Variants in EPHB6 observed in about 807,000 individuals in gnomAD.
EPHB6 encodes the protein ephrin type-B receptor 6.
EPHB6 carries 51 observed loss-of-function variants against 107.0 expected under a neutral mutation model. The observed-to-expected ratio is 0.48, with a 90% CI of 0.38 to 0.60. The LOEUF (loss-of-function observed/expected upper bound fraction) is 0.60. Among genes scored for constraint, EPHB6 ranks in the 20% least tolerant of loss-of-function variants. The pLI is 0.00. For synonymous variants in EPHB6, 553 were observed against 549.0 expected (o/e 1.01, Z -0.10); for missense variants, 1,141 against 1,355.5 (o/e 0.84, Z 2.48).
rs1417070593 is a variant in EPHB6, at chr7:142,855,181, C to T, written c.-636C>T. 6.6e-6 allele frequency: 1 copy of T among 152,218 alleles called. No individual in the cohort carries two copies. Among genetic ancestry groups the T allele is most frequent in the African/African-American group, 2.4e-5 (1 of 41,448 alleles). 9.4% of individuals were successfully genotyped at this position (152,218 alleles called of 1,614,324 possible). Reference sequence around the variant, plus strand: ...GCGGGCCCCCAGGATCTCCCGGCGCCCCACCTCTGGAGCAGCCCCTGCCGC... The same window carrying T: ...GCGGGCCCCCAGGATCTCCCGGCGCTCCACCTCTGGAGCAGCCCCTGCCGC... On this transcript the variant is annotated 5_prime_UTR_variant, in exon 1 of 20. Transcript: ENST00000652003. This position sits in a 1 kb window ranked among gnomAD's most constrained non-coding sequence, Gnocchi z 4.2.
chr7:142,858,111 T>C (rs746829742), intron 1 of EPHB6, among the ~76,000 whole-genome samples: 1 of 152,216 alleles, frequency 6.6e-6, no homozygotes, highest in African/African-American at 2.4e-5. Context: ...AAATAAGGTA[T>C]GCTTACTGTA....
At position 142,865,511 on chromosome 7, in the gene EPHB6, A is replaced by C; in HGVS notation, c.986A>C (p.Asn329Thr). ...GGGCTCTATAAGGCTTCTGCTGGGA[A>C]TGCTCCCTGCTCACCATGCCCTGCC... The part of the protein sequence containing the change: ...PRGLYKASAG[N>T]APCSPCPARS... The change falls in exon 8 of 20, where the codon AAT (asparagine) becomes ACT (threonine). Residue 329 changes from asparagine to threonine, a missense_variant. Asn to Thr is a moderately conservative substitution (Grantham distance 65, BLOSUM62 0). Around this residue, in one of 3 missense-constraint regions of EPHB6, gnomAD observed 304 missense variants for 295.7 expected, o/e 1.03. Coordinates refer to ENST00000652003, the MANE Select transcript of EPHB6 (RefSeq NM_004445.6). The C allele has an allele frequency of 6.2e-7, 1 of 1,613,260 alleles. No individual in the cohort carries two copies. Among genetic ancestry groups the C allele is most frequent in the Non-Finnish European group, 8.5e-7 (1 of 1,179,980 alleles).
rs944075128 is a variant in EPHB6, at chr7:142,867,477, A to G, written c.1751-131A>G. On this transcript the variant is annotated intron_variant, in intron 11 of 19. Coordinates refer to ENST00000652003, the MANE Select transcript of EPHB6 (RefSeq NM_004445.6). The surrounding 1 kb of genome is among the most constrained non-coding windows in gnomAD (Gnocchi z 5.3). ...GTGTGTGTGTTGTGTGTCCCTGTGC[A>G]TGGATGTGGGAGGTTTGGGGCATGC... The G allele has an allele frequency of 1.2e-5, 9 of 753,578 alleles. No individual in the cohort carries two copies. The highest frequency in any genetic ancestry group is 3.5e-5 in the African/African-American group (2 of 57,586). The allele number at this position is 753,578 out of a possible 1,614,324, so 46.7% of individuals were successfully genotyped here. A position where few individuals can be genotyped will look rare whatever the true frequency, so the allele number is the denominator to read the frequency against.
chr7:142,866,015 G>A lies in EPHB6; in HGVS notation c.1161G>A (p.Met387Ile), dbSNP rs752265529. 1.7e-5 allele frequency: 28 copies of A among 1,613,832 alleles called. No individual in the cohort carries two copies. The highest frequency in any genetic ancestry group is 2.4e-5 in the Non-Finnish European group (28 of 1,180,002). Residue 387 changes from methionine to isoleucine, a missense_variant, in exon 9 of 20, where the codon ATG (methionine) becomes ATA (isoleucine). Around this residue, in one of 3 missense-constraint regions of EPHB6, gnomAD observed 304 missense variants for 295.7 expected, o/e 1.03. Coordinates refer to ENST00000652003, the MANE Select transcript of EPHB6 (RefSeq NM_004445.6). The surrounding 1 kb of genome is among the most constrained non-coding windows in gnomAD (Gnocchi z 5.2). ...LWFEVQGSAL[M>I]LHWRLPRELG... is the part of the protein sequence containing the mutation. Reference sequence around the variant, plus strand: ...TTGAGGTGCAAGGCTCAGCACTCATGCTACACTGGCGCCTGCCTCGGGAGC... The same window carrying A: ...TTGAGGTGCAAGGCTCAGCACTCATACTACACTGGCGCCTGCCTCGGGAGC...
In EPHB6 at chr7:142,870,726, C is replaced by A. The variant is rs748577969; in HGVS notation, c.2960+41C>A. 8.7e-6 allele frequency: 14 copies of A among 1,614,082 alleles called. 1 individual carries two copies. The South Asian group carries it at 1.3e-4, about 15-fold the overall frequency. On this transcript the variant is annotated intron_variant, in intron 19 of 19. Transcript: ENST00000652003. Reference sequence around the variant, plus strand: ...TGGGGTGGGGGCGAATGCTCCAGGCCCCTGGCTGGGGGTCGTATTGGGGAT... The same window carrying A: ...TGGGGTGGGGGCGAATGCTCCAGGCACCTGGCTGGGGGTCGTATTGGGGAT...
rs1794628003 is a variant in EPHB6, at chr7:142,866,883, G to A, written c.1588-23G>A. 1 of 1,613,864 alleles carries A rather than the reference G, an allele frequency of 6.2e-7. No individual in the cohort carries two copies. On this transcript the variant is annotated intron_variant, in intron 10 of 19. Transcript: ENST00000652003. The surrounding 1 kb of genome is among the most constrained non-coding windows in gnomAD (Gnocchi z 5.2). ...CAGGGGCAAGAGGGGGCCAGGCAGG[G>A]AGTGAGTGGCTGTTACCCCCAGGCA...
chr7:142,863,915 C>G, intron 6 of EPHB6, 51 bp from the exon 7 acceptor site: 3 of 1,612,406 alleles, frequency 1.9e-6, no homozygotes, highest in Non-Finnish European at 2.5e-6. Context: ...ACCTCTACCT[C>G]GCCGTGCTTA....
Position 142,866,721 on chromosome 7 carries a change from G to T in EPHB6, c.1587+116G>T. 6.3e-7 allele frequency: 1 copy of T among 1,597,312 alleles called. No homozygotes were observed. The highest frequency in any genetic ancestry group is 1.1e-5 in the South Asian group (1 of 90,274). On this transcript the variant is annotated intron_variant, in intron 10 of 19. Coordinates refer to ENST00000652003, the MANE Select transcript of EPHB6 (RefSeq NM_004445.6). This position sits in a 1 kb window ranked among gnomAD's most constrained non-coding sequence, Gnocchi z 5.2. ...GAATGAGGGGTCCGCAACAGGGCTG[G>T]CAGGAGCTCACAGTCCCCACAGTAG...
At chr7:142,856,677 C>T (rs1220380778) in intron 1 of EPHB6, among the ~76,000 whole-genome samples, 1 of 152,094 alleles carries the variant, frequency 6.6e-6, no homozygotes, top group Non-Finnish European at 1.5e-5. Context: ...CACTCCTCCC[C>T]GCCCCCCACT....
Position 142,865,997 on chromosome 7 carries a change from G to T in EPHB6, c.1143G>T (p.Val381=), listed in dbSNP as rs753689778. 35 of 1,613,862 alleles carry T rather than the reference G, an allele frequency of 2.2e-5. No individual in the cohort carries two copies. The highest frequency in any genetic ancestry group is 2.8e-5 in the Non-Finnish European group (33 of 1,180,030). Residue 381 remains valine (V), a synonymous_variant, in exon 9 of 20, where the codon GTG becomes GTT. Transcript: ENST00000652003. ...CTCCCCAGGAGCTTTGGTTTGAGGT[G>T]CAAGGCTCAGCACTCATGCTACACT... ...PSAPQELWFE[V]QGSALMLHWR... is the part of the protein sequence containing the mutation.
In EPHB6 at chr7:142,863,126, G is replaced by A; in HGVS notation, c.-101-1G>A. 5.2e-6 allele frequency: 5 copies of A among 958,894 alleles called. No individual in the cohort carries two copies. Among genetic ancestry groups the A allele is most frequent in the Non-Finnish European group, 8.1e-6 (5 of 617,374 alleles). The allele number at this position is 958,894 out of a possible 1,614,324, so 59.4% of individuals were successfully genotyped here. A position where few individuals can be genotyped will look rare whatever the true frequency, so the allele number is the denominator to read the frequency against. On this transcript the variant is annotated splice_acceptor_variant, in intron 4 of 19. Transcript: ENST00000652003. LOFTEE classifies it low-confidence loss of function (5UTR_SPLICE). ...TCTTCTGGTCTTGTGTGTCTCCTCA[G>A]GAAGCAAGCTTAGCTGTACACCCTG... is the stretch of plus-strand genomic sequence containing the variant.
At position 142,864,278 on chromosome 7, in the gene EPHB6, G is replaced by A. The variant is rs1302113577; in HGVS notation, c.478G>A (p.Ala160Thr). The change falls in exon 7 of 20, where the codon GCA becomes ACA. Residue 160 changes from alanine to threonine, a missense_variant. Ala to Thr is a moderately conservative substitution (Grantham distance 58). Coordinates refer to ENST00000652003, the MANE Select transcript of EPHB6 (RefSeq NM_004445.6). ...KRWTKVDTIA[A>T]DESFPSSSSS... ...CTGGACCAAGGTGGACACAATTGCA[G>A]CAGACGAGAGCTTTCCCTCCTCCTC... 6.2e-7 allele frequency: 1 copy of A among 1,608,624 alleles called. No homozygotes were observed. The highest frequency in any genetic ancestry group is 8.5e-7 in the Non-Finnish European group (1 of 1,178,602).
intron 8 of EPHB6, 98 bp from the exon 9 acceptor site, chr7:142,865,862 C>A: frequency 7.4e-7 from 1 of 1,348,368 alleles, no homozygotes; most frequent in Non-Finnish European, 1.1e-6. Flanking sequence ...TGTCTCCTTC[C>A]CTCTCGGCCA....
chr7:142,868,197 C>T lies in EPHB6; in HGVS notation c.1919-44C>T, dbSNP rs1739436659. On this transcript the variant is annotated intron_variant, in intron 13 of 19. Coordinates refer to ENST00000652003, the MANE Select transcript of EPHB6 (RefSeq NM_004445.6). The surrounding 1 kb of genome is among the most constrained non-coding windows in gnomAD (Gnocchi z 4.2). The stretch of plus-strand genomic sequence containing the variant: ...GCATGTCTGGGGTGCGCGGGCAGCC[C>T]TGCCTTTCACAACACGCTCATAACA... 3 of 1,614,114 alleles carry T rather than the reference C, an allele frequency of 1.9e-6. No individual in the cohort carries two copies. Among genetic ancestry groups the T allele is most frequent in the Non-Finnish European group, 2.5e-6 (3 of 1,180,012 alleles).
At chr7:142,863,735 C>T in intron 6 of EPHB6, 40 bp downstream of exon 6, 3 of 1,599,804 alleles carry the variant, frequency 1.9e-6, no homozygotes, top group Non-Finnish European at 2.6e-6. Context: ...TCCCTTGGCC[C>T]TGCCCCTCCC....
At position 142,866,641 on chromosome 7, in the gene EPHB6, G is replaced by A. The variant is rs1327079416; in HGVS notation, c.1587+36G>A. The A allele has an allele frequency of 1.9e-6, 3 of 1,613,404 alleles. No individual in the cohort carries two copies. Among genetic ancestry groups the A allele is most frequent in the African/African-American group, 1.3e-5 (1 of 74,890 alleles). On this transcript the variant is annotated intron_variant, in intron 10 of 19. Transcript: ENST00000652003. This position sits in a 1 kb window ranked among gnomAD's most constrained non-coding sequence, Gnocchi z 5.2. ...GGAGTGGGGGTTCCGCAGTAGGGCTGGTAGGAGCTCATAGGCCTCACAGTG... is the reference window on the plus strand; with the variant it reads ...GGAGTGGGGGTTCCGCAGTAGGGCTAGTAGGAGCTCATAGGCCTCACAGTG...
Position 142,868,971 on chromosome 7 carries a change from C to A in EPHB6, c.2287-3C>A. 6.2e-7 allele frequency: 1 copy of A among 1,607,652 alleles called. No homozygotes were observed. On this transcript the variant is annotated splice_region_variant and splice_polypyrimidine_tract_variant and intron_variant, in intron 15 of 19. Transcript: ENST00000652003. This position sits in a 1 kb window ranked among gnomAD's most constrained non-coding sequence, Gnocchi z 4.2. Reference sequence around the variant, plus strand: ...ACCTCTGCCCCCTGCCCCTTCCCCTCAGCAGCGGGAGGGCCAGTTCAGCAG... The same window carrying A: ...ACCTCTGCCCCCTGCCCCTTCCCCTAAGCAGCGGGAGGGCCAGTTCAGCAG...
At position 142,869,094 on chromosome 7, in the gene EPHB6, C is replaced by T. The variant is rs2116477883; in HGVS notation, c.2407C>T (p.Leu803=). 6.2e-7 allele frequency: 1 copy of T among 1,613,800 alleles called. No individual in the cohort carries two copies. Among genetic ancestry groups the T allele is most frequent in the Non-Finnish European group, 8.5e-7 (1 of 1,179,996 alleles). ...TCGCTCGCTGTCTGCCCACAGCGTG[C>T]TGGTGAATAGCCACTTGGTGTGCAA... ...VHRSLSAHSV[L]VNSHLVCKVA... is the part of the protein sequence containing the mutation. Residue 803 remains leucine, a synonymous_variant, in exon 16 of 20, where the codon CTG becomes TTG. Transcript: ENST00000652003. The surrounding 1 kb of genome is among the most constrained non-coding windows in gnomAD (Gnocchi z 4.5).
chr7:142,863,588 G>A, intron 5 of EPHB6, 43 bp from the exon 6 acceptor site: 1 of 1,603,658 alleles, frequency 6.2e-7, no homozygotes, highest in Non-Finnish European at 8.5e-7. Context: ...GGCAGTGCTG[G>A]CTGGAGGCTT....
Sources: allele counts gnomAD v4.1 joint callset (sites outside exome capture counted in the v4.1 genomes callset), GRCh38; gene constraint gnomAD v4.1.1; regional missense constraint gnomAD v4.1.1; non-coding constraint Gnocchi (gnomAD v3.1); transcripts MANE v1.5; gene names NCBI Gene and HGNC (gene_info 2026-07-23, HGNC 2026-07-21).